Variants in F13A1 observed in about 807,000 individuals in gnomAD.
The protein encoded by F13A1 is FSF, A subunit.
Under a neutral mutation model 80.1 loss-of-function variants are expected in F13A1, and 47 were observed. That is an observed-to-expected ratio of 0.59 (90% confidence interval 0.46 to 0.75). F13A1 has a LOEUF of 0.75. Ranked by LOEUF, F13A1 falls within the 30% of genes least tolerant of loss-of-function variation. The pLI is 0.00. For synonymous variants in F13A1, 349 were observed against 344.9 expected, an observed-to-expected ratio of 1.01 and a Z score of -0.13; for missense variants, 817 against 930.4, an observed-to-expected ratio of 0.88 and a Z score of 1.59.
chr6:6,265,465 CA>C (rs931625390), intron 4 of F13A1, among the ~76,000 whole-genome samples: 13 of 152,204 alleles, frequency 8.5e-5, no homozygotes, highest in African/African-American at 3.1e-4. Flanking sequence ...AGTGTGGGAG[CA>C]GGGGAGAGGT....
At chr6:6,305,635 G>A in intron 2 of F13A1, 96 bp from the exon 3 acceptor site, 2 of 1,275,832 alleles carry the variant, frequency 1.6e-6, no homozygotes, top group Non-Finnish European at 2.2e-6. Context: ...GAAGAAGGCA[G>A]GTAGCAAGGT....
At chr6:6,154,236 G>A (rs554900791) in intron 13 of F13A1, among the ~76,000 whole-genome samples, 1 of 152,006 alleles carries the variant, frequency 6.6e-6, no homozygotes, top group South Asian at 2.1e-4. Context: ...TGACAAGACT[G>A]AGAATGGATA....
intron 3 of F13A1, among the ~76,000 whole-genome samples, chr6:6,281,941 C>G (rs1001238458): frequency 2.1e-5 from 3 of 144,556 alleles, no homozygotes; most frequent in Non-Finnish European, 4.5e-5. Context: ...TTTCAGTGAG[C>G]CGAGATCATG....
chr6:6,188,848 G>T (rs1461111825), intron 10 of F13A1, among the ~76,000 whole-genome samples: 1 of 72,734 alleles, frequency 1.4e-5, no homozygotes, highest in Non-Finnish European at 2.4e-5. Context: ...TTATTAATGT[G>T]TGGGAATCTA....
chr6:6,281,080 A>G (rs1758054051), intron 3 of F13A1, among the ~76,000 whole-genome samples: 1 of 152,178 alleles, frequency 6.6e-6, no homozygotes, highest in South Asian at 2.1e-4. Context: ...TCATTTGGCA[A>G]CTCGTTCTAA....
In F13A1 at chr6:6,162,449, C is replaced by T. The variant is rs1583049339; in HGVS notation, c.1908+5009G>A. 2.0e-5 allele frequency among the ~76,000 whole-genome samples: 3 copies of T among 152,182 alleles called. No homozygotes were observed. Among genetic ancestry groups the T allele is most frequent in the East Asian group, 1.9e-4 (1 of 5,190 alleles). On this transcript the variant is annotated intron_variant, in intron 13 of 14. Coordinates refer to ENST00000264870, the MANE Select transcript of F13A1 (RefSeq NM_000129.4). The surrounding 1 kb of genome is among the most constrained non-coding windows in gnomAD (Gnocchi z 4.2). Reference sequence around the variant, plus strand: ...TCTTAATTCTTGATGTCCCACACCACTCAAGTGTGTGTGATCTCTCCTCCC... The same window carrying T: ...TCTTAATTCTTGATGTCCCACACCATTCAAGTGTGTGTGATCTCTCCTCCC...
At chr6:6,275,016 G>A (rs570296377) in intron 3 of F13A1, among the ~76,000 whole-genome samples, 1 of 152,338 alleles carries the variant, frequency 6.6e-6, no homozygotes, top group African/African-American at 2.4e-5. Context: ...CTAGGGAGGG[G>A]ATGGAGATGG....
chr6:6,263,782 T>C (rs1307457785), intron 4 of F13A1, among the ~76,000 whole-genome samples: 1 of 152,172 alleles, frequency 6.6e-6, no homozygotes, highest in Non-Finnish European at 1.5e-5. Context: ...TAACAAGAAA[T>C]CTAGAGTTAT....
Position 6,285,664 on chromosome 6 carries a change from A to G in F13A1, c.320-18855T>C, listed in dbSNP as rs57200534. On this transcript the variant is annotated intron_variant, in intron 3 of 14. Transcript: ENST00000264870. ...AGTAGGTACCTAGTCAGGCATGAGT[A>G]GGGGAGGAGAGGGCTTCCCCCACTA... 7.8e-3 allele frequency among the ~76,000 whole-genome samples: 1,191 copies of G among 152,326 alleles called. 19 individuals are homozygous for G. The highest frequency in any genetic ancestry group is 0.027 in the African/African-American group (1,139 of 41,574).
chr6:6,170,524 G>A (rs1376338972), intron 12 of F13A1, among the ~76,000 whole-genome samples: 2 of 152,232 alleles, frequency 1.3e-5, no homozygotes, highest in Admixed American at 6.5e-5. Context: ...CTCTATGAGC[G>A]GTAGGGCTGG....
At position 6,224,897 on chromosome 6, in the gene F13A1, T is replaced by C. The variant is rs768498353; in HGVS notation, c.799-37A>G. On this transcript the variant is annotated intron_variant, in intron 6 of 14. Transcript: ENST00000264870. ...CGTGAGAAGTGAGAAGGAAGAAAGT[T>C]CATTTAGGTTTGTCTACTCCAGGCT... 10 of 1,612,484 alleles carry C rather than the reference T, an allele frequency of 6.2e-6. No individual in the cohort carries two copies. In the East Asian group the frequency reaches 2.2e-4, roughly 36 times the overall value.
chr6:6,151,365 G>C (rs1254496964), intron 14 of F13A1, among the ~76,000 whole-genome samples: 2 of 152,162 alleles, frequency 1.3e-5, no homozygotes, highest in Non-Finnish European at 2.9e-5. Context: ...CCATGAAAAG[G>C]GGGTATCTCT....
intron 12 of F13A1, among the ~76,000 whole-genome samples, chr6:6,172,367 A>G (rs907617363): frequency 2.0e-5 from 3 of 152,112 alleles, no homozygotes; most frequent in Admixed American, 6.5e-5. Flanking sequence ...TACACTGACT[A>G]TTCTTTTCCA....
At chr6:6,178,048 G>C (rs113026745) in intron 11 of F13A1, among the ~76,000 whole-genome samples, 1,047 of 30,554 alleles carry the variant, frequency 0.034, 18 homozygotes, top group Non-Finnish European at 0.055. Flanking sequence ...AGGGAGAGGG[G>C]GGGGGGGGTG....
intron 6 of F13A1, among the ~76,000 whole-genome samples, chr6:6,230,497 T>C (rs1757336277): frequency 6.6e-6 from 1 of 152,234 alleles, no homozygotes; most frequent in East Asian, 1.9e-4. Flanking sequence ...TTGATGGTCC[T>C]TTCCTACCTA....
intron 3 of F13A1, among the ~76,000 whole-genome samples, chr6:6,303,686 A>G (rs1758469429): frequency 6.6e-6 from 1 of 152,154 alleles, no homozygotes; most frequent in Non-Finnish European, 1.5e-5. Context: ...ACCCCTTGGG[A>G]GACTAAAAAT....
At chr6:6,284,428 C>T (rs879256051) in intron 3 of F13A1, among the ~76,000 whole-genome samples, 8 of 152,112 alleles carry the variant, frequency 5.3e-5, no homozygotes, top group South Asian at 2.1e-4. Flanking sequence ...ACTTCATTTC[C>T]GTCATTTTAG....
chr6:6,174,651 G>T lies in F13A1; in HGVS notation c.1676C>A (p.Thr559Asn), dbSNP rs748413307. The T allele has an allele frequency of 6.2e-7, 1 of 1,614,118 alleles. No individual in the cohort carries two copies. Among genetic ancestry groups the T allele is most frequent in the African/African-American group, 1.3e-5 (1 of 75,028 alleles). ...TGCCTTCGGGACCCCGGTGTAGAAG[G>T]TGATGTTGGCTGAGAGATAAGCTGT... ...TITAYLSANI[T>N]FYTGVPKAEF... The change falls in exon 12 of 15, where the codon ACC (threonine) becomes AAC (asparagine). Residue 559 changes from threonine to asparagine, a missense_variant. Coordinates refer to ENST00000264870, the MANE Select transcript of F13A1 (RefSeq NM_000129.4).
Position 6,161,551 on chromosome 6 carries a change from T to TGTGTGTGTGTGTGA in F13A1, c.1908+5906_1908+5907insTCACACACACACAC, listed in dbSNP as rs1010361754. On this transcript the variant is annotated intron_variant, in intron 13 of 14. Transcript: ENST00000264870. ...GTGTGTGTGTGTGTGTGTGTGTGTG[T>TGTGTGTGTGTGTGA]GAGAGAGAGAGAGAGAGAGAGAGAG... Among the ~76,000 whole-genome samples the TGTGTGTGTGTGTGA allele has an allele frequency of 1.2e-3, 179 of 146,368 alleles. 1 individual carries two copies. The highest frequency in any genetic ancestry group is 2.6e-3 in the African/African-American group (101 of 39,314).
Sources: allele counts gnomAD v4.1 joint callset (sites outside exome capture counted in the v4.1 genomes callset), GRCh38; gene constraint gnomAD v4.1.1; non-coding constraint Gnocchi (gnomAD v3.1); transcripts MANE v1.5; gene names NCBI Gene and HGNC (gene_info 2026-07-23, HGNC 2026-07-21).